The following MAP2K1 variants were observed in gnomAD, a reference collection of about 807,000 sequenced individuals.
MAP2K1 encodes mitogen-activated protein kinase kinase 1, also known as dual specificity mitogen-activated protein kinase kinase 1.
In MAP2K1, 16 loss-of-function variants were observed where a neutral mutation model predicts 46.3. The observed-to-expected ratio is 0.35, with a 90% confidence interval of 0.23 to 0.52. The LOEUF is 0.52. Among genes scored for constraint, MAP2K1 ranks in the 20% least tolerant of loss-of-function variants. The pLI is 0.94. For missense variants in MAP2K1, 263 were observed against 497.1 expected (o/e 0.53, Z 4.48); for synonymous variants, 183 against 185.6 (o/e 0.99, Z 0.11).
intron 5 of MAP2K1, among the ~76,000 whole-genome samples, chr15:66,461,476 CTAAA>C (rs10641341): frequency 0.36 from 50,863 of 139,846 alleles, 9,299 homozygotes; most frequent in African/African-American, 0.42. Context: ...GACTCTGTCT[CTAAA>C]TAAATAAATA....
At chr15:66,484,960 G>T (rs1304064468) in intron 6 of MAP2K1, 30 bp from the exon 7 acceptor site, 1 of 1,590,838 alleles carries the variant, frequency 6.3e-7, no homozygotes, top group Non-Finnish European at 8.6e-7. Flanking sequence ...AGTTAGGTTA[G>T]GTGATTATCA....
intron 6 of MAP2K1, among the ~76,000 whole-genome samples, chr15:66,482,757 C>G (rs1162221018): frequency 6.6e-6 from 1 of 152,042 alleles, no homozygotes. Flanking sequence ...TGGGAGGGTA[C>G]ATGGATAAAA....
intron 1 of MAP2K1, among the ~76,000 whole-genome samples, chr15:66,395,961 A>G (rs1274941724): frequency 6.6e-6 from 1 of 151,870 alleles, no homozygotes; most frequent in African/African-American, 2.4e-5. Flanking sequence ...GTATTTCTCC[A>G]CCGTCTGCTG....
chr15:66,425,042 C>T (rs536417453), intron 1 of MAP2K1, among the ~76,000 whole-genome samples: 38 of 151,908 alleles, frequency 2.5e-4, no homozygotes, highest in Middle Eastern at 3.4e-3. Flanking sequence ...GTGATCTGCC[C>T]GCCTCGGCCT....
At chr15:66,459,487 G>T (rs1028357749) in intron 5 of MAP2K1, among the ~76,000 whole-genome samples, 1 of 150,074 alleles carries the variant, frequency 6.7e-6, no homozygotes, top group Non-Finnish European at 1.5e-5. Flanking sequence ...GCATGGTGGC[G>T]GGTACCTGTA....
chr15:66,431,820 T>A (rs2093475639), intron 1 of MAP2K1, among the ~76,000 whole-genome samples: 1 of 152,210 alleles, frequency 6.6e-6, no homozygotes, highest in African/African-American at 2.4e-5. Context: ...GGCCAGCATC[T>A]ATTAGCTATT....
intron 5 of MAP2K1, among the ~76,000 whole-genome samples, chr15:66,469,328 G>T (rs1355472525): frequency 6.6e-6 from 1 of 152,170 alleles, no homozygotes; most frequent in Non-Finnish European, 1.5e-5. Context: ...CCCAAGAGTA[G>T]CCTCTGTTGC....
intron 2 of MAP2K1, among the ~76,000 whole-genome samples, chr15:66,436,391 A>G (rs781772955): frequency 5.3e-5 from 8 of 152,210 alleles, no homozygotes; most frequent in Admixed American, 1.3e-4. Context: ...AGGTTAGCAT[A>G]CCTGAGTTCC....
chr15:66,404,247 G>A (rs1203161270), intron 1 of MAP2K1, among the ~76,000 whole-genome samples: 1 of 152,194 alleles, frequency 6.6e-6, no homozygotes, highest in African/African-American at 2.4e-5. Context: ...CAGCCACTCG[G>A]GGGCTGAGGC....
At chr15:66,400,750 C>G (rs2093379579) in intron 1 of MAP2K1, among the ~76,000 whole-genome samples, 1 of 152,066 alleles carries the variant, frequency 6.6e-6, no homozygotes, top group Admixed American at 6.6e-5. Context: ...CATGAAGGGC[C>G]AAAAGCTAAA....
chr15:66,479,328 C>T (rs1051557562), intron 5 of MAP2K1, among the ~76,000 whole-genome samples: 1 of 151,956 alleles, frequency 6.6e-6, no homozygotes, highest in Non-Finnish European at 1.5e-5. Context: ...GAACTCCTGA[C>T]CTCTGGTGAT....
intron 1 of MAP2K1, among the ~76,000 whole-genome samples, chr15:66,397,429 C>G (rs534256241): frequency 6.6e-6 from 1 of 152,074 alleles, no homozygotes; most frequent in Non-Finnish European, 1.5e-5. Context: ...AGAGCATCAT[C>G]CAAAATAACA....
At chr15:66,393,339 A>G (rs1304778440) in intron 1 of MAP2K1, among the ~76,000 whole-genome samples, 1 of 151,826 alleles carries the variant, frequency 6.6e-6, no homozygotes, top group Non-Finnish European at 1.5e-5. Flanking sequence ...CACCATGCCC[A>G]GCTAATTTTT....
chr15:66,401,931 G>A (rs748965154), intron 1 of MAP2K1: 12 of 1,321,928 alleles, frequency 9.1e-6, no homozygotes, highest in Non-Finnish European at 1.2e-5. Flanking sequence ...CGGGTCGAAG[G>A]AAATGAAGCT....
intron 1 of MAP2K1, among the ~76,000 whole-genome samples, chr15:66,424,910 G>A (rs1567005452): frequency 6.9e-6 from 1 of 144,170 alleles, no homozygotes; most frequent in South Asian, 2.3e-4. Context: ...CGATTCTCCC[G>A]CCTCAGCCTC....
chr15:66,465,224 C>T (rs113029716), intron 5 of MAP2K1, among the ~76,000 whole-genome samples: 2,762 of 152,150 alleles, frequency 0.018, 41 homozygotes, highest in South Asian at 0.057. Context: ...CCTCAGACAC[C>T]GAGTTAAAGA....
chr15:66,438,019 C>CT (rs58085335), intron 3 of MAP2K1, among the ~76,000 whole-genome samples: 35,782 of 117,616 alleles, frequency 0.3, 5,300 homozygotes, highest in East Asian at 0.51. Context: ...CTCTTGTGTT[C>CT]TTTTTTTTTT....
rs1393593647 is a variant in MAP2K1 at position 66,415,360 on chromosome 15, A to G, written c.81-19667A>G. On this transcript the variant is annotated intron_variant, in intron 1 of 10. Coordinates refer to ENST00000307102, the MANE Select transcript of MAP2K1 (RefSeq NM_002755.4). ...CAAAGATTTAGAGGTTACCTCCAGA[A>G]ACCAGGGACAAAGGCCAGCCAAATT... 2.6e-5 allele frequency among the ~76,000 whole-genome samples: 4 copies of G among 152,338 alleles called. No individual in the cohort carries two copies. The East Asian group carries it at 7.7e-4, about 29-fold the overall frequency.
chr15:66,488,926 A>G, intron 8 of MAP2K1: 1 of 511,778 alleles, frequency 2.0e-6, no homozygotes, highest in South Asian at 2.1e-5. Context: ...ACTGAGGCTC[A>G]TAGAGGAATA....
Sources: gnomAD v4.1 joint callset for allele counts (sites outside exome capture counted in the v4.1 genomes callset) on GRCh38, gnomAD v4.1.1 for gene constraint, MANE v1.5 for transcripts, NCBI Gene and HGNC (gene_info 2026-07-23, HGNC 2026-07-21) for gene names.